YEATS2: variants seen among roughly 807,000 people sequenced by gnomAD.
The protein encoded by YEATS2 is YEATS domain containing 2.
Under a neutral mutation model 163.2 loss-of-function variants are expected in YEATS2, and 77 were observed. That is an observed-to-expected ratio of 0.47 (90% CI 0.39 to 0.57). The LOEUF (loss-of-function observed/expected upper bound fraction) is 0.57, where lower values mean the gene tolerates loss of function less well. YEATS2 is among the 20% of genes least tolerant of loss of function. The pLI is 0.00. For missense variants in YEATS2, 1,549 were observed against 1,729.8 expected (o/e 0.90, Z 1.85); for synonymous variants, 631 against 645.1 (o/e 0.98, Z 0.33).
chr3:183,797,810 G>C, intron 21 of YEATS2, 113 bp from the exon 22 acceptor site: 1 of 1,365,810 alleles, frequency 7.3e-7, no homozygotes, highest in Non-Finnish European at 1.0e-6. Context: ...TTTACTGGAA[G>C]GTTAAATGTC....
At chr3:183,741,074 G>A (rs1718905332) in intron 8 of YEATS2, among the ~76,000 whole-genome samples, 1 of 151,930 alleles carries the variant, frequency 6.6e-6, no homozygotes, top group Non-Finnish European at 1.5e-5. Context: ...AAGTAGCTAG[G>A]ATTACAGACC....
At chr3:183,778,176 T>C (rs1287365210) in intron 19 of YEATS2, among the ~76,000 whole-genome samples, 1 of 137,550 alleles carries the variant, frequency 7.3e-6, no homozygotes, top group African/African-American at 2.7e-5. Context: ...AAAACAAAAA[T>C]GAATCTTGAG....
chr3:183,804,672 A>C (rs1447749288), intron 27 of YEATS2, among the ~76,000 whole-genome samples: 3 of 152,188 alleles, frequency 2.0e-5, no homozygotes, highest in African/African-American at 7.2e-5. Flanking sequence ...TGCAGGTGAA[A>C]TGAATTGTTT....
intron 19 of YEATS2, among the ~76,000 whole-genome samples, chr3:183,778,111 CAA>C (rs569250141): frequency 3.5e-5 from 2 of 56,398 alleles, no homozygotes; most frequent in Non-Finnish European, 3.6e-5. Flanking sequence ...GATTCTGTCT[CAA>C]AAAAAAAAAA....
intron 29 of YEATS2, 142 bp downstream of exon 29, chr3:183,808,246 T>C (rs561322549): frequency 7.7e-6 from 5 of 648,620 alleles, no homozygotes; most frequent in African/African-American, 7.4e-5. Flanking sequence ...TCTCTTTTTG[T>C]TTTTTTGTTT....
intron 17 of YEATS2, among the ~76,000 whole-genome samples, chr3:183,774,789 G>A (rs555334474): frequency 5.3e-5 from 8 of 152,152 alleles, no homozygotes; most frequent in Non-Finnish European, 8.8e-5. Context: ...TCATCCTTGC[G>A]TTCATTGACC....
In YEATS2 at chr3:183,752,055, T is replaced by G. The variant is rs768000817; in HGVS notation, c.970-18T>G. The G allele has an allele frequency of 6.2e-7, 1 of 1,613,550 alleles. No individual in the cohort carries two copies. Among genetic ancestry groups the G allele is most frequent in the Non-Finnish European group, 8.5e-7 (1 of 1,179,704 alleles). ...TTGATGATGGACTCATGAGCCTGAT[T>G]GTTGCCCAATTGTCTAGGTAGTGGA... is the stretch of plus-strand genomic sequence containing the variant. On this transcript the variant is annotated intron_variant, in intron 9 of 30. Transcript: ENST00000305135.
rs370049766 is a variant in YEATS2 at position 183,754,153 on chromosome 3, G to T, written c.1178G>T (p.Arg393Leu). The T allele has an allele frequency of 2.5e-6, 4 of 1,596,096 alleles. No homozygotes were observed. The African/African-American group carries it at 4.0e-5, about 16-fold the overall frequency. The change falls in exon 11 of 31, where the codon CGA (arginine) becomes CTA (leucine). Residue 393 changes from arginine (R) to leucine (L), a missense_variant. Physicochemically the swap from Arg to Leu is moderately radical, Grantham distance 102. Coordinates refer to ENST00000305135, the MANE Select transcript of YEATS2 (RefSeq NM_018023.5). ...KGFPASTEAERHTPFYALPSS... is the reference protein window; with the variant it reads ...KGFPASTEAELHTPFYALPSS... ...TTCCCAGCTAGCACTGAAGCTGAAC[G>T]ACACACTCCGTTTTATGCTTTGCCA...
intron 19 of YEATS2, among the ~76,000 whole-genome samples, chr3:183,784,206 A>C (rs1203207098): frequency 6.6e-6 from 1 of 152,170 alleles, no homozygotes; most frequent in Non-Finnish European, 1.5e-5. Flanking sequence ...GTTCTTTGAG[A>C]AATCTCCAAA....
chr3:183,784,485 T>A (rs1236601150), intron 19 of YEATS2, among the ~76,000 whole-genome samples: 1 of 152,238 alleles, frequency 6.6e-6, no homozygotes, highest in Non-Finnish European at 1.5e-5. Context: ...AGGTTCCTTA[T>A]AGATTCTGGA....
intron 7 of YEATS2, among the ~76,000 whole-genome samples, chr3:183,730,642 T>C (rs2109119638): frequency 6.6e-6 from 1 of 152,138 alleles, no homozygotes; most frequent in African/African-American, 2.4e-5. Flanking sequence ...CTGGGGAAAT[T>C]AGTAGATAAT....
At chr3:183,800,882 C>G (rs1430166390) in intron 24 of YEATS2, 3 of 282,282 alleles carry the variant, frequency 1.1e-5, no homozygotes, top group Non-Finnish European at 2.0e-5. Flanking sequence ...CTCCTGTTGC[C>G]ATCACTCAGG....
chr3:183,774,065 G>A (rs1235645863), intron 17 of YEATS2, among the ~76,000 whole-genome samples: 3 of 152,202 alleles, frequency 2.0e-5, no homozygotes, highest in African/African-American at 7.2e-5. Context: ...CATGAACCAT[G>A]AATGAAGTGG....
chr3:183,720,722 G>A (rs886385596), intron 4 of YEATS2, among the ~76,000 whole-genome samples: 10 of 152,098 alleles, frequency 6.6e-5, no homozygotes, highest in African/African-American at 2.4e-4. Context: ...CATAAGCTTC[G>A]TGATGTAAAA....
chr3:183,728,147 T>C (rs1361261332), intron 6 of YEATS2, among the ~76,000 whole-genome samples: 1 of 152,196 alleles, frequency 6.6e-6, no homozygotes, highest in Non-Finnish European at 1.5e-5. Flanking sequence ...TCACTTTAGC[T>C]TCGAACTCCT....
chr3:183,769,223 T>A (rs1201633270), intron 15 of YEATS2, among the ~76,000 whole-genome samples: 1 of 152,188 alleles, frequency 6.6e-6, no homozygotes, highest in Non-Finnish European at 1.5e-5. Context: ...TTAATTTATC[T>A]CCCTGGAATA....
chr3:183,773,485 T>C (rs1391891148), intron 16 of YEATS2, 148 bp from the exon 17 acceptor site: 1 of 777,060 alleles, frequency 1.3e-6, no homozygotes, highest in Non-Finnish European at 2.0e-6. Context: ...AATATCAGTC[T>C]TTAAAGCATT....
At chr3:183,799,908 A>G (rs551848915) in intron 23 of YEATS2, among the ~76,000 whole-genome samples, 31 of 150,124 alleles carry the variant, frequency 2.1e-4, no homozygotes, top group Admixed American at 5.3e-4. Context: ...TCTCGGCTCA[A>G]TGCAACCTCT....
At chr3:183,806,827 G>T in intron 27 of YEATS2, 39 bp from the exon 28 acceptor site, 12 of 1,608,166 alleles carry the variant, frequency 7.5e-6, no homozygotes, top group Non-Finnish European at 1.0e-5. Context: ...TCTTCCGTTG[G>T]CCCCACAGCT....
Sources: allele counts gnomAD v4.1 joint callset (sites outside exome capture counted in the v4.1 genomes callset), GRCh38; gene constraint gnomAD v4.1.1; transcripts MANE v1.5; gene names NCBI Gene and HGNC (gene_info 2026-07-23, HGNC 2026-07-21).